RALGAPA1: variants seen among roughly 807,000 people sequenced by gnomAD.
The protein encoded by RALGAPA1 is ral GTPase-activating protein subunit alpha-1.
A neutral mutation model predicts 269.6 loss-of-function variants in RALGAPA1; 52 were observed. The ratio of observed to expected loss-of-function variants is 0.19; its 90% CI spans 0.15 to 0.24. The LOEUF (loss-of-function observed/expected upper bound fraction) is 0.24. Among genes scored for constraint, RALGAPA1 ranks in the 10% least tolerant of loss-of-function variants. RALGAPA1 has a pLI of 1.00. For synonymous variants in RALGAPA1, 817 were observed against 1,008.3 expected (o/e 0.81, Z 3.60); for missense variants, 1,917 against 3,013.9 (o/e 0.64, Z 8.52).
intron 16 of RALGAPA1, among the ~76,000 whole-genome samples, chr14:35,705,950 T>C (rs2067769776): frequency 6.6e-6 from 1 of 152,240 alleles, no homozygotes; most frequent in Admixed American, 6.5e-5. Context: ...GTATCTTCTT[T>C]GGTGAGATGT....
chr14:35,564,375 G>C (rs960381400), intron 39 of RALGAPA1: 5 of 152,038 alleles, frequency 3.3e-5, no homozygotes, highest in Non-Finnish European at 7.4e-5. Context: ...CCCCCCAAAA[G>C]GTTTTATAAT....
intron 4 of RALGAPA1, chr14:35,767,126 C>G (rs2074223498): frequency 4.9e-6 from 1 of 204,290 alleles, no homozygotes; most frequent in African/African-American, 2.4e-5. Context: ...ATAAATATAT[C>G]ATGCAAAATT....
chr14:35,649,570 A>C (rs1003269422), intron 31 of RALGAPA1, among the ~76,000 whole-genome samples: 12 of 152,186 alleles, frequency 7.9e-5, no homozygotes, highest in African/African-American at 2.7e-4. Context: ...AAAACAAACC[A>C]TACTATTTTA....
intron 17 of RALGAPA1, among the ~76,000 whole-genome samples, chr14:35,699,604 T>A (rs1002182688): frequency 6.6e-6 from 1 of 152,074 alleles, no homozygotes; most frequent in African/African-American, 2.4e-5. Flanking sequence ...AATGAGTGAA[T>A]CCTTAGAATT....
At chr14:35,772,231 A>C (rs1439886802) in intron 3 of RALGAPA1, among the ~76,000 whole-genome samples, 1 of 151,944 alleles carries the variant, frequency 6.6e-6, no homozygotes, top group Non-Finnish European at 1.5e-5. Flanking sequence ...TTTTTTTACT[A>C]TTTTTGTGGA....
chr14:35,756,009 T>C (rs2073131986), intron 7 of RALGAPA1, among the ~76,000 whole-genome samples: 1 of 151,878 alleles, frequency 6.6e-6, no homozygotes, highest in African/African-American at 2.4e-5. Context: ...ACAAACAGGT[T>C]TAAGTGTAAA....
intron 31 of RALGAPA1, among the ~76,000 whole-genome samples, chr14:35,637,060 G>C (rs139306506): frequency 4.4e-4 from 67 of 152,204 alleles, no homozygotes; most frequent in African/African-American, 1.6e-3. Flanking sequence ...AAAAAGAAAG[G>C]ATGTAGAAGT....
At chr14:35,742,847 A>G (rs1415617272) in intron 10 of RALGAPA1, among the ~76,000 whole-genome samples, 2 of 152,196 alleles carry the variant, frequency 1.3e-5, no homozygotes, top group Admixed American at 1.3e-4. Flanking sequence ...TGTGAGCTAT[A>G]TGTACACTTA....
chr14:35,656,378 C>T (rs1250411106), intron 28 of RALGAPA1, among the ~76,000 whole-genome samples: 1 of 152,120 alleles, frequency 6.6e-6, no homozygotes, highest in Non-Finnish European at 1.5e-5. Flanking sequence ...AAATTGAGAA[C>T]ATAAAATTTA....
At chr14:35,656,418 AG>A (rs1430791350) in intron 28 of RALGAPA1, among the ~76,000 whole-genome samples, 1 of 152,226 alleles carries the variant, frequency 6.6e-6, no homozygotes. Context: ...CAACAGAAAC[AG>A]AACTTGTAGA....
At chr14:35,673,417 A>T (rs2064664275) in intron 24 of RALGAPA1, among the ~76,000 whole-genome samples, 1 of 151,992 alleles carries the variant, frequency 6.6e-6, no homozygotes, top group Admixed American at 6.6e-5. Context: ...TTAGCCAGGC[A>T]CGGTGGCACA....
chr14:35,578,657 T>C (rs1566732525), intron 37 of RALGAPA1, among the ~76,000 whole-genome samples: 1 of 152,208 alleles, frequency 6.6e-6, no homozygotes, highest in Non-Finnish European at 1.5e-5. Context: ...AAAAAGATAA[T>C]ATAACAATAC....
At chr14:35,696,155 G>A (rs2066878711) in intron 17 of RALGAPA1, among the ~76,000 whole-genome samples, 1 of 152,192 alleles carries the variant, frequency 6.6e-6, no homozygotes, top group South Asian at 2.1e-4. Flanking sequence ...ATTTTGGGAG[G>A]CCAAGGTGTG....
intron 39 of RALGAPA1, among the ~76,000 whole-genome samples, chr14:35,562,807 T>C (rs566806380): frequency 1.3e-5 from 2 of 150,860 alleles, no homozygotes; most frequent in South Asian, 2.1e-4. Context: ...GGATCACGAG[T>C]TCAGGAGATC....
chr14:35,718,957 A>G (rs2069117676), intron 16 of RALGAPA1, among the ~76,000 whole-genome samples: 1 of 151,552 alleles, frequency 6.6e-6, no homozygotes, highest in Non-Finnish European at 1.5e-5. Context: ...TTCCCACCTC[A>G]GTCCTCCAAG....
At chr14:35,645,936 A>G (rs2062409380) in intron 31 of RALGAPA1, among the ~76,000 whole-genome samples, 1 of 152,070 alleles carries the variant, frequency 6.6e-6, no homozygotes, top group Non-Finnish European at 1.5e-5. Flanking sequence ...AATAATGGGG[A>G]TTTATGAAAA....
intron 33 of RALGAPA1, among the ~76,000 whole-genome samples, chr14:35,628,314 C>G (rs1030690948): frequency 1.3e-5 from 2 of 152,092 alleles, no homozygotes; most frequent in African/African-American, 4.8e-5. Context: ...CTTTGGGAGG[C>G]TGAGGCGGGA....
At chr14:35,653,984 C>T (rs546104629) in intron 30 of RALGAPA1, among the ~76,000 whole-genome samples, 91 of 152,298 alleles carry the variant, frequency 6.0e-4, no homozygotes, top group Admixed American at 1.4e-3. Context: ...TTAATTTTCA[C>T]TACAACTAAT....
At chr14:35,625,776 G>A (rs1033942738) in intron 34 of RALGAPA1, among the ~76,000 whole-genome samples, 3 of 152,160 alleles carry the variant, frequency 2.0e-5, no homozygotes, top group Non-Finnish European at 4.4e-5. Context: ...TGTATCTCAT[G>A]AGAAATAAAA....
Sources: allele counts gnomAD v4.1 joint callset (sites outside exome capture counted in the v4.1 genomes callset), GRCh38; gene constraint gnomAD v4.1.1; transcripts MANE v1.5; gene names NCBI Gene and HGNC (gene_info 2026-07-23, HGNC 2026-07-21).